The following CRACDL variants were observed in gnomAD, a reference collection of about 807,000 sequenced individuals.
CRACDL encodes CRACD like.
CRACDL carries 26 observed loss-of-function variants against 70.6 expected under a neutral mutation model. The observed-to-expected ratio is 0.37, with a 90% CI of 0.27 to 0.51. CRACDL has a LOEUF of 0.51. CRACDL is among the 20% of genes least tolerant of loss of function. The pLI, the probability that CRACDL is intolerant of heterozygous loss-of-function variation, is 0.94. For missense variants in CRACDL, 1,283 were observed against 1,376.9 expected (o/e 0.93, Z 1.08); for synonymous variants, 618 against 615.2 (o/e 1.00, Z -0.07).
chr2:98,829,744 T>G (rs532779961), intron 5 of CRACDL, among the ~76,000 whole-genome samples: 51 of 152,270 alleles, frequency 3.3e-4, no homozygotes, highest in African/African-American at 1.2e-3. Context: ...ACAGGTGCTT[T>G]AGGATGTGTG....
chr2:98,855,806 CA>C (rs2104559758), intron 1 of CRACDL, among the ~76,000 whole-genome samples: 1 of 152,176 alleles, frequency 6.6e-6, no homozygotes, highest in African/African-American at 2.4e-5. Flanking sequence ...TAAAAATAAA[CA>C]AACTGAAAAT....
At chr2:98,883,071 C>T (rs954212017) in intron 1 of CRACDL, among the ~76,000 whole-genome samples, 6 of 152,196 alleles carry the variant, frequency 3.9e-5, no homozygotes, top group East Asian at 3.9e-4. Flanking sequence ...AAGGATGAAG[C>T]GTCTTAGAGT....
At chr2:98,875,576 C>G (rs1707468150) in intron 1 of CRACDL, among the ~76,000 whole-genome samples, 2 of 152,228 alleles carry the variant, frequency 1.3e-5, no homozygotes, top group African/African-American at 4.8e-5. Context: ...GGACAGTGGG[C>G]TGTCACCCGA....
chr2:98,916,139 C>T (rs1180629220), intron 1 of CRACDL, among the ~76,000 whole-genome samples: 1 of 152,246 alleles, frequency 6.6e-6, no homozygotes, highest in Admixed American at 6.5e-5. Context: ...AAAAACTGTA[C>T]TATGCCCACA....
intron 1 of CRACDL, among the ~76,000 whole-genome samples, chr2:98,924,369 C>A (rs1708867872): frequency 6.6e-6 from 1 of 152,218 alleles, no homozygotes; most frequent in African/African-American, 2.4e-5. Flanking sequence ...TTTCACCTCC[C>A]TGAACTTCAG....
At chr2:98,871,632 G>A (rs1414981174) in intron 1 of CRACDL, among the ~76,000 whole-genome samples, 1 of 152,206 alleles carries the variant, frequency 6.6e-6, no homozygotes, top group Non-Finnish European at 1.5e-5. Flanking sequence ...ATCAAAACCT[G>A]CTGCTCTAGT....
chr2:98,851,696 A>G (rs1706488880), intron 1 of CRACDL, among the ~76,000 whole-genome samples: 1 of 152,188 alleles, frequency 6.6e-6, no homozygotes, highest in African/African-American at 2.4e-5. Flanking sequence ...AGAAAACTCC[A>G]ATGAAAGAAA....
At chr2:98,881,491 G>T (rs1707649842) in intron 1 of CRACDL, among the ~76,000 whole-genome samples, 1 of 152,208 alleles carries the variant, frequency 6.6e-6, no homozygotes, top group Non-Finnish European at 1.5e-5. Context: ...CTCAGGTTAT[G>T]CCTCAGCCCA....
intron 1 of CRACDL, among the ~76,000 whole-genome samples, chr2:98,866,119 T>C (rs1471852023): frequency 1.3e-5 from 2 of 152,150 alleles, no homozygotes; most frequent in African/African-American, 4.8e-5. Context: ...AGAAATCTCA[T>C]AATCAAAGGG....
At chr2:98,867,664 C>T (rs1707198702) in intron 1 of CRACDL, among the ~76,000 whole-genome samples, 1 of 152,164 alleles carries the variant, frequency 6.6e-6, no homozygotes. Flanking sequence ...TATAAATTCA[C>T]TCTAACGCTG....
intron 7 of CRACDL, among the ~76,000 whole-genome samples, chr2:98,798,482 ACT>A (rs1187235671): frequency 8.7e-5 from 12 of 137,674 alleles, no homozygotes; most frequent in Non-Finnish European, 1.2e-4. Context: ...AAAGAGTGAC[ACT>A]CTGTCTCAAA....
At chr2:98,923,209 T>C (rs557916373) in intron 1 of CRACDL, among the ~76,000 whole-genome samples, 2 of 149,506 alleles carry the variant, frequency 1.3e-5, no homozygotes, top group East Asian at 3.9e-4. Context: ...AGGCGAAAGT[T>C]GCAGTGAGCC....
intron 1 of CRACDL, among the ~76,000 whole-genome samples, chr2:98,902,775 G>A (rs573822130): frequency 9.2e-5 from 14 of 152,146 alleles, no homozygotes; most frequent in Admixed American, 2.6e-4. Context: ...AGTCACCCCC[G>A]ATCTCAGTAT....
At chr2:98,926,192 G>T in intron 1 of CRACDL, among the ~76,000 whole-genome samples, 1 of 152,096 alleles carries the variant, frequency 6.6e-6, no homozygotes, top group East Asian at 1.9e-4. Context: ...CAAAGGGAAG[G>T]TGCCATAGAA....
chr2:98,867,846 T>G (rs1435169077), intron 1 of CRACDL, among the ~76,000 whole-genome samples: 1 of 152,250 alleles, frequency 6.6e-6, no homozygotes, highest in Non-Finnish European at 1.5e-5. Context: ...TGAGGTAATA[T>G]ACTCCATTTT....
At chr2:98,878,735 C>T (rs1324226376) in intron 1 of CRACDL, among the ~76,000 whole-genome samples, 4 of 152,122 alleles carry the variant, frequency 2.6e-5, no homozygotes, top group African/African-American at 7.2e-5. Flanking sequence ...CGGATAAACC[C>T]ATCGTAAGCT....
chr2:98,915,629 G>A (rs1708646080), intron 1 of CRACDL, among the ~76,000 whole-genome samples: 1 of 152,168 alleles, frequency 6.6e-6, no homozygotes, highest in Non-Finnish European at 1.5e-5. Flanking sequence ...CACTGGGCAG[G>A]CAAAGAGGGG....
chr2:98,915,333 A>G (rs1708639299), intron 1 of CRACDL, among the ~76,000 whole-genome samples: 1 of 152,218 alleles, frequency 6.6e-6, no homozygotes, highest in Non-Finnish European at 1.5e-5. Context: ...TGACCGGAGC[A>G]GGTATCATAG....
chr2:98,901,172 C>T (rs915753721), intron 1 of CRACDL, among the ~76,000 whole-genome samples: 16 of 152,298 alleles, frequency 1.1e-4, no homozygotes, highest in African/African-American at 3.8e-4. Flanking sequence ...ATGGGCTCAT[C>T]CCTCTTTGCA....
Sources: gnomAD v4.1 joint callset for allele counts (sites outside exome capture counted in the v4.1 genomes callset) on GRCh38, gnomAD v4.1.1 for gene constraint, MANE v1.5 for transcripts, NCBI Gene and HGNC (gene_info 2026-07-23, HGNC 2026-07-21) for gene names.